GLIS3: variants seen among roughly 807,000 people sequenced by gnomAD.
The protein encoded by GLIS3 is GLIS family zinc finger 3.
In GLIS3, 53 loss-of-function variants were observed where a neutral mutation model predicts 78.6. The observed-to-expected ratio is 0.67, with a 90% CI of 0.54 to 0.85. The LOEUF (loss-of-function observed/expected upper bound fraction) is 0.85, where lower values mean the gene tolerates loss of function less well. Among genes scored for constraint, GLIS3 ranks in the 40% least tolerant of loss-of-function variants. The pLI is 0.00. For missense variants in GLIS3, 1,703 were observed against 1,231.1 expected, an observed-to-expected ratio of 1.38 and a Z score of -5.74; for synonymous variants, 684 against 509.9, an observed-to-expected ratio of 1.34 and a Z score of -4.60.
intron 6 of GLIS3, among the ~76,000 whole-genome samples, chr9:3,905,164 C>T (rs675693): frequency 9.0e-3 from 1,170 of 129,822 alleles, no homozygotes; most frequent in Non-Finnish European, 0.011. Context: ...TTTTTTTTTG[C>T]TATTTTTAGT....
At chr9:4,079,556 G>A (rs865803117) in intron 4 of GLIS3, among the ~76,000 whole-genome samples, 6 of 152,164 alleles carry the variant, frequency 3.9e-5, no homozygotes, top group African/African-American at 1.2e-4. Context: ...TTCAAAGTCC[G>A]CATTCTGTTC....
At chr9:4,200,563 T>C (rs760447420) in intron 2 of GLIS3, among the ~76,000 whole-genome samples, 8 of 151,958 alleles carry the variant, frequency 5.3e-5, no homozygotes, top group African/African-American at 9.7e-5. Flanking sequence ...CTGAAGGAAA[T>C]AGATAAATTC....
intron 2 of GLIS3, among the ~76,000 whole-genome samples, chr9:4,128,097 G>C (rs1832712531): frequency 6.6e-6 from 1 of 152,190 alleles, no homozygotes; most frequent in Admixed American, 6.5e-5. Flanking sequence ...ACAAACTAAT[G>C]TGATCACTGA....
intron 4 of GLIS3, among the ~76,000 whole-genome samples, chr9:4,086,780 C>G (rs1338240537): frequency 1.3e-5 from 2 of 152,208 alleles, no homozygotes; most frequent in African/African-American, 4.8e-5. Context: ...AACAACTTCA[C>G]TAACTAGAGA....
intron 2 of GLIS3, among the ~76,000 whole-genome samples, chr9:4,247,725 T>C (rs1325848560): frequency 6.6e-6 from 1 of 152,210 alleles, no homozygotes; most frequent in Non-Finnish European, 1.5e-5. Flanking sequence ...TATGATAGTA[T>C]ACTGAGAAAA....
the GLIS3 span, among the ~76,000 whole-genome samples, chr9:4,399,689 G>A: frequency 6.6e-6 from 1 of 152,066 alleles, no homozygotes; most frequent in Non-Finnish European, 1.5e-5. Flanking sequence ...CTTTCCTCAA[G>A]CAGCCCACAT....
At chr9:4,150,252 C>G (rs72689986) in intron 2 of GLIS3, among the ~76,000 whole-genome samples, 1 of 152,278 alleles carries the variant, frequency 6.6e-6, no homozygotes, top group Non-Finnish European at 1.5e-5. Flanking sequence ...CTCAGTAGCC[C>G]AAACTTTGAT....
chr9:4,326,169 C>T (rs1027971464), intron 2 of GLIS3, among the ~76,000 whole-genome samples: 1 of 152,136 alleles, frequency 6.6e-6, no homozygotes, highest in African/African-American at 2.4e-5. Context: ...ACCTATGTAA[C>T]AAACCTGCAC....
At chr9:4,281,203 G>A (rs149421742) in intron 2 of GLIS3, among the ~76,000 whole-genome samples, 2 of 152,254 alleles carry the variant, frequency 1.3e-5, no homozygotes, top group African/African-American at 4.8e-5. Flanking sequence ...CTCAAATTTT[G>A]GAGTAAGATT....
chr9:3,960,412 A>AT (rs1478005357), intron 4 of GLIS3, among the ~76,000 whole-genome samples: 1 of 152,060 alleles, frequency 6.6e-6, no homozygotes, highest in Non-Finnish European at 1.5e-5. Context: ...CATCTGCCAC[A>AT]TTTTCTATGT....
chr9:4,219,133 A>G (rs1225701546), intron 2 of GLIS3, among the ~76,000 whole-genome samples: 2 of 152,238 alleles, frequency 1.3e-5, no homozygotes, highest in African/African-American at 4.8e-5. Flanking sequence ...CCAGGAATAT[A>G]GCCAAATGCT....
At chr9:4,283,844 G>C (rs142786820) in intron 2 of GLIS3, among the ~76,000 whole-genome samples, 1 of 152,302 alleles carries the variant, frequency 6.6e-6, no homozygotes, top group Non-Finnish European at 1.5e-5. Context: ...TGGTATCTAA[G>C]CTCCAAAGCT....
At chr9:3,991,702 T>TTTTTTTTTTTTTTTTTTTTTTTTTTA (rs1820268022) in intron 4 of GLIS3, among the ~76,000 whole-genome samples, 1 of 137,942 alleles carries the variant, frequency 7.2e-6, no homozygotes, top group African/African-American at 3.0e-5. Context: ...TTTTTTTTTT[T>TTTTTTTTTTTTTTTTTTTTTTTTTTA]TTTTTTGAGA....
At chr9:4,336,677 C>T (rs918900338) in intron 2 of GLIS3, among the ~76,000 whole-genome samples, 5 of 152,156 alleles carry the variant, frequency 3.3e-5, no homozygotes, top group Non-Finnish European at 7.3e-5. Context: ...AACTCCAAAC[C>T]TTGCCATTCC....
chr9:4,429,936 A>T, the GLIS3 span, among the ~76,000 whole-genome samples: 1 of 152,146 alleles, frequency 6.6e-6, no homozygotes, highest in African/African-American at 2.4e-5. Flanking sequence ...AGGAAACTAG[A>T]GACATCAAAT....
intron 9 of GLIS3, among the ~76,000 whole-genome samples, chr9:3,843,515 C>A (rs932947639): frequency 6.6e-6 from 1 of 152,180 alleles, no homozygotes; most frequent in Admixed American, 6.5e-5. Flanking sequence ...ATCCCGGGAT[C>A]TCTGTTATCT....
At chr9:4,316,264 G>C (rs1817435634) in intron 2 of GLIS3, among the ~76,000 whole-genome samples, 1 of 152,198 alleles carries the variant, frequency 6.6e-6, no homozygotes, top group Admixed American at 6.5e-5. Context: ...TGCAAATCCA[G>C]TGACTGCTCA....
At chr9:4,051,758 CAT>C (rs1357567905) in intron 4 of GLIS3, among the ~76,000 whole-genome samples, 1 of 152,166 alleles carries the variant, frequency 6.6e-6, no homozygotes, top group Non-Finnish European at 1.5e-5. Context: ...CAATTTCTCC[CAT>C]ATGTCAGATG....
In GLIS3 at chr9:4,117,680, C is replaced by CT. The variant is rs982100196; in HGVS notation, c.1710+87dup. The CT allele has an allele frequency of 8.6e-6, 13 of 1,506,904 alleles. No homozygotes were observed. The Admixed American group carries it at 2.2e-4, about 25-fold the overall frequency. 93.3% of individuals were successfully genotyped at this position (1,506,904 alleles called of 1,614,324 possible). ...ATACCTAGACCCCCACGCATGCAAACTCCATGGGCCGAGTTAGGAAAAAAC... is the reference window on the plus strand; with the variant it reads ...ATACCTAGACCCCCACGCATGCAAACTTCCATGGGCCGAGTTAGGAAAAAAC... On this transcript the variant is annotated intron_variant, in intron 4 of 10. Transcript: ENST00000381971.
Sources: gnomAD v4.1 joint callset for allele counts (sites outside exome capture counted in the v4.1 genomes callset) on GRCh38, gnomAD v4.1.1 for gene constraint, MANE v1.5 for transcripts, NCBI Gene and HGNC (gene_info 2026-07-23, HGNC 2026-07-21) for gene names.